PTPRT: variants seen among roughly 807,000 people sequenced by gnomAD.
PTPRT encodes protein tyrosine phosphatase receptor type T.
In PTPRT, 56 loss-of-function variants were observed where a neutral mutation model predicts 176.8. That is an observed-to-expected ratio of 0.32 (90% CI 0.26 to 0.40). The LOEUF (loss-of-function observed/expected upper bound fraction) is 0.40, where lower values mean the gene tolerates loss of function less well. Ranked by LOEUF, PTPRT falls within the 10% of genes least tolerant of loss-of-function variation. PTPRT has a pLI of 1.00. For synonymous variants in PTPRT, 783 were observed against 739.0 expected (o/e 1.06, Z -0.96); for missense variants, 1,540 against 1,908.2 (o/e 0.81, Z 3.60).
At chr20:42,637,668 T>C (rs528820183) in intron 7 of PTPRT, among the ~76,000 whole-genome samples, 2 of 152,296 alleles carry the variant, frequency 1.3e-5, no homozygotes, top group African/African-American at 4.8e-5. Flanking sequence ...AATATTTATT[T>C]ACCGATTGTC....
chr20:42,342,628 T>C (rs2058128992), intron 11 of PTPRT, among the ~76,000 whole-genome samples: 1 of 152,218 alleles, frequency 6.6e-6, no homozygotes, highest in African/African-American at 2.4e-5. Context: ...ATAAATCCTC[T>C]AAATGTTCGT....
intron 2 of PTPRT, among the ~76,000 whole-genome samples, chr20:42,832,295 T>C (rs1460934843): frequency 2.6e-5 from 4 of 152,092 alleles, no homozygotes; most frequent in Non-Finnish European, 5.9e-5. Context: ...CACTTATAAG[T>C]GGGAGCTAAA....
chr20:43,072,163 G>T (rs960848818), intron 1 of PTPRT, among the ~76,000 whole-genome samples: 2 of 152,162 alleles, frequency 1.3e-5, no homozygotes, highest in African/African-American at 4.8e-5. Context: ...TCTGAGACTC[G>T]AAGGCAAAAT....
chr20:42,317,711 C>G (rs1338056945), intron 11 of PTPRT, among the ~76,000 whole-genome samples: 1 of 152,144 alleles, frequency 6.6e-6, no homozygotes, highest in Non-Finnish European at 1.5e-5. Context: ...CTATGGAGAA[C>G]TGCCCTAAGA....
At chr20:42,537,139 G>GA (rs2072490903) in intron 7 of PTPRT, among the ~76,000 whole-genome samples, 1 of 151,776 alleles carries the variant, frequency 6.6e-6, no homozygotes. Context: ...TTAGGTCAAA[G>GA]AAAAAACTCG....
At chr20:42,928,624 C>T (rs1037687699) in intron 1 of PTPRT, among the ~76,000 whole-genome samples, 2 of 152,020 alleles carry the variant, frequency 1.3e-5, no homozygotes, top group Non-Finnish European at 2.9e-5. Context: ...GCCCAGGGAT[C>T]CAAGAAGGGG....
chr20:42,223,317 C>A (rs2055928723), intron 15 of PTPRT, among the ~76,000 whole-genome samples: 1 of 152,168 alleles, frequency 6.6e-6, no homozygotes, highest in African/African-American at 2.4e-5. Flanking sequence ...AGCAACAGCC[C>A]ACATTTGGTG....
chr20:42,906,321 G>C (rs2079477754), intron 1 of PTPRT, among the ~76,000 whole-genome samples: 1 of 152,176 alleles, frequency 6.6e-6, no homozygotes, highest in African/African-American at 2.4e-5. Flanking sequence ...CGGTCAGAGG[G>C]GAGCACAGCC....
chr20:42,689,347 C>T (rs4812618), intron 6 of PTPRT, among the ~76,000 whole-genome samples: 14,132 of 152,174 alleles, frequency 0.093, 761 homozygotes, highest in South Asian at 0.16. Context: ...GAATCTGCCA[C>T]TGGGCGGCCC....
intron 13 of PTPRT, among the ~76,000 whole-genome samples, chr20:42,262,199 G>A (rs1381811712): frequency 6.6e-6 from 1 of 152,194 alleles, no homozygotes; most frequent in Non-Finnish European, 1.5e-5. Flanking sequence ...GAATCACTGT[G>A]TTCTGTATTA....
At chr20:42,233,016 C>A (rs933836050) in intron 15 of PTPRT, among the ~76,000 whole-genome samples, 1 of 152,054 alleles carries the variant, frequency 6.6e-6, no homozygotes, top group Non-Finnish European at 1.5e-5. Flanking sequence ...CAAAAGCCTT[C>A]TCTTGGGCCT....
intron 17 of PTPRT, among the ~76,000 whole-genome samples, chr20:42,160,318 G>A (rs1294049491): frequency 6.6e-6 from 1 of 152,216 alleles, no homozygotes; most frequent in Non-Finnish European, 1.5e-5. Flanking sequence ...ACTGCAACCA[G>A]GAGAGTTGCA....
In PTPRT at chr20:42,573,018, C is replaced by G. The variant is rs928007690; in HGVS notation, c.1154-100456G>C. On this transcript the variant is annotated intron_variant, in intron 7 of 30. Coordinates refer to ENST00000373187, the MANE Select transcript of PTPRT (RefSeq NM_007050.6). ...AAATATAAGCTCCATAAGAGCAGGA[C>G]CCATGTCTGTTTTGTTTGCCATCCT... 1.3e-4 allele frequency among the ~76,000 whole-genome samples: 19 copies of G among 151,104 alleles called. 2 individuals carry two copies. Among genetic ancestry groups the G allele is most frequent in the Admixed American group, 8.6e-4 (13 of 15,152 alleles).
At chr20:42,557,160 G>A (rs150479201) in intron 7 of PTPRT, among the ~76,000 whole-genome samples, 7 of 152,080 alleles carry the variant, frequency 4.6e-5, no homozygotes, top group East Asian at 1.9e-4. Flanking sequence ...CTTGTTTTGC[G>A]GGCTCACCCC....
At chr20:42,566,809 G>C (rs968864334) in intron 7 of PTPRT, among the ~76,000 whole-genome samples, 1 of 152,150 alleles carries the variant, frequency 6.6e-6, no homozygotes, top group Admixed American at 6.5e-5. Flanking sequence ...AAACACAACT[G>C]ATTAAACCTC....
At chr20:42,718,315 A>C (rs968171445) in intron 6 of PTPRT, among the ~76,000 whole-genome samples, 1 of 152,176 alleles carries the variant, frequency 6.6e-6, no homozygotes. Flanking sequence ...AGGCGGGTGG[A>C]TCACGAGGTC....
intron 7 of PTPRT, among the ~76,000 whole-genome samples, chr20:42,580,102 A>G (rs2073343154): frequency 6.6e-6 from 1 of 152,214 alleles, no homozygotes; most frequent in East Asian, 1.9e-4. Flanking sequence ...GAAGGGATCC[A>G]GTTTCAGCTT....
At chr20:42,699,088 A>C (rs1369460111) in intron 6 of PTPRT, among the ~76,000 whole-genome samples, 1 of 152,162 alleles carries the variant, frequency 6.6e-6, no homozygotes, top group Non-Finnish European at 1.5e-5. Context: ...AAACAACCTA[A>C]AAAGGAGTAA....
intron 9 of PTPRT, among the ~76,000 whole-genome samples, chr20:42,406,919 C>T (rs1238400875): frequency 6.6e-6 from 1 of 152,152 alleles, no homozygotes; most frequent in East Asian, 1.9e-4. Flanking sequence ...TTGTGCCACC[C>T]AGTAGCTATT....
Sources: gnomAD v4.1 joint callset for allele counts (sites outside exome capture counted in the v4.1 genomes callset) on GRCh38, gnomAD v4.1.1 for gene constraint, MANE v1.5 for transcripts, NCBI Gene and HGNC (gene_info 2026-07-23, HGNC 2026-07-21) for gene names.